Variants in GRK3 observed in about 807,000 individuals in gnomAD.
GRK3 encodes G protein-coupled receptor kinase 3.
Under a neutral mutation model 95.7 loss-of-function variants are expected in GRK3, and 54 were observed. The ratio of observed to expected loss-of-function variants is 0.56; its 90% CI spans 0.45 to 0.71. The LOEUF (loss-of-function observed/expected upper bound fraction) is 0.71, where lower values mean the gene tolerates loss of function less well. GRK3 is among the 30% of genes least tolerant of loss of function. The pLI, the probability that GRK3 is intolerant of heterozygous loss-of-function variation, is 0.00. For missense variants in GRK3, 649 were observed against 851.2 expected (o/e 0.76, Z 2.96); for synonymous variants, 281 against 290.8 (o/e 0.97, Z 0.34).
chr22:25,717,100 A>G (rs984480231), intron 18 of GRK3, among the ~76,000 whole-genome samples: 1 of 152,190 alleles, frequency 6.6e-6, no homozygotes, highest in African/African-American at 2.4e-5. Flanking sequence ...TGTAACAACT[A>G]TTTATGTAGC....
intron 2 of GRK3, among the ~76,000 whole-genome samples, chr22:25,615,105 C>T (rs16980104): frequency 0.023 from 3,443 of 152,260 alleles, 61 homozygotes; most frequent in Middle Eastern, 0.068. Context: ...CTAAAGCAAA[C>T]GTGGGGAAGT....
At chr22:25,710,789 G>T (rs1426171723) in intron 16 of GRK3, among the ~76,000 whole-genome samples, 1 of 152,224 alleles carries the variant, frequency 6.6e-6, no homozygotes, top group Non-Finnish European at 1.5e-5. Flanking sequence ...GGACGGATAT[G>T]CAGTCCTGAG....
chr22:25,650,313 C>T (rs1369142216), intron 3 of GRK3, among the ~76,000 whole-genome samples: 4 of 152,136 alleles, frequency 2.6e-5, no homozygotes, highest in African/African-American at 4.8e-5. Context: ...AGGCATGAGC[C>T]ATCATGCCCG....
In GRK3 at chr22:25,689,562, A is replaced by C. The variant is rs191123190; in HGVS notation, c.958-627A>C. On this transcript the variant is annotated intron_variant, in intron 11 of 20. Coordinates refer to ENST00000324198, the MANE Select transcript of GRK3 (RefSeq NM_005160.4). The stretch of plus-strand genomic sequence containing the variant: ...CGAGAGACTAGGTTTGTTTTTCATG[A>C]TTATGATGACTAAATCTAATCTTCA... Among the ~76,000 whole-genome samples, 12 of 152,268 alleles carry C rather than the reference A, an allele frequency of 7.9e-5. No homozygotes were observed. The South Asian group carries it at 1.5e-3, about 18-fold the overall frequency.
At chr22:25,575,907 T>A (rs1390559881) in intron 1 of GRK3, among the ~76,000 whole-genome samples, 1 of 152,246 alleles carries the variant, frequency 6.6e-6, no homozygotes, top group Non-Finnish European at 1.5e-5. Context: ...GTCACTGTAC[T>A]AAGCATCTGT....
chr22:25,719,054 A>G (rs1220978921), intron 19 of GRK3, among the ~76,000 whole-genome samples: 1 of 152,200 alleles, frequency 6.6e-6, no homozygotes, highest in Non-Finnish European at 1.5e-5. Flanking sequence ...CAACTTGAGC[A>G]TCTGTGGATT....
At chr22:25,611,832 T>TC (rs1491117477) in intron 2 of GRK3, among the ~76,000 whole-genome samples, 3 of 118,324 alleles carry the variant, frequency 2.5e-5, no homozygotes, top group African/African-American at 1.0e-4. Context: ...GTTTAGTGTC[T>TC]TTTTTTTTTT....
At chr22:25,647,307 T>C in intron 3 of GRK3, 2 of 1,197,088 alleles carry the variant, frequency 1.7e-6, no homozygotes, top group Non-Finnish European at 2.5e-6. Flanking sequence ...AGCCATTAAA[T>C]ACCTGAAAAT....
chr22:25,713,274 C>T lies in GRK3; in HGVS notation c.1492-1134C>T, dbSNP rs533349665. Among the ~76,000 whole-genome samples the T allele has an allele frequency of 1.8e-4, 27 of 152,290 alleles. No homozygotes were observed. The South Asian group carries it at 3.7e-3, about 21-fold the overall frequency. On this transcript the variant is annotated intron_variant, in intron 17 of 20. Transcript: ENST00000324198. ...CATCACTCACACACACACTCACACA[C>T]GCACCTCCAGTCCCATTCAGAGCAA... is the stretch of plus-strand genomic sequence containing the variant.
intron 3 of GRK3, among the ~76,000 whole-genome samples, chr22:25,646,069 A>G (rs944180863): frequency 3.9e-5 from 6 of 152,052 alleles, no homozygotes; most frequent in African/African-American, 1.4e-4. Flanking sequence ...TGTCTTTTTT[A>G]TAGGTAGGTA....
intron 11 of GRK3, among the ~76,000 whole-genome samples, chr22:25,689,594 C>T (rs547155593): frequency 1.3e-5 from 2 of 152,190 alleles, no homozygotes; most frequent in Non-Finnish European, 2.9e-5. Flanking sequence ...TTCATGGATA[C>T]ATTTCATCAG....
At chr22:25,589,972 C>T (rs1932439407) in intron 1 of GRK3, among the ~76,000 whole-genome samples, 1 of 152,142 alleles carries the variant, frequency 6.6e-6, no homozygotes, top group South Asian at 2.1e-4. Flanking sequence ...TGGGAAAGAT[C>T]CGGCTCCATG....
chr22:25,625,042 A>G (rs2084616873), intron 2 of GRK3, among the ~76,000 whole-genome samples: 1 of 151,048 alleles, frequency 6.6e-6, no homozygotes, highest in Admixed American at 6.6e-5. Context: ...TCGGCCTCCC[A>G]AGTAGCTGGG....
chr22:25,709,432 T>G (rs779303978), intron 15 of GRK3, among the ~76,000 whole-genome samples: 4 of 152,264 alleles, frequency 2.6e-5, no homozygotes, highest in Admixed American at 2.0e-4. Context: ...ATTATATTAT[T>G]AGATCTCTTG....
Position 25,564,977 on chromosome 22 carries a change from C to A in GRK3, c.-64C>A. On this transcript the variant is annotated 5_prime_UTR_variant, in exon 1 of 21. Transcript: ENST00000324198. Reference sequence around the variant, plus strand: ...CAGGTCGGGGCGCGGCGGGCGGCGGCGGCGGGCGCGCGTCCCGTCCAGGTC... The same window carrying A: ...CAGGTCGGGGCGCGGCGGGCGGCGGAGGCGGGCGCGCGTCCCGTCCAGGTC... 1 of 396,180 alleles carries A rather than the reference C, an allele frequency of 2.5e-6. No homozygotes were observed. Among genetic ancestry groups the A allele is most frequent in the Non-Finnish European group, 3.5e-6 (1 of 286,578 alleles). 24.5% of individuals were successfully genotyped at this position (396,180 alleles called of 1,614,324 possible).
chr22:25,575,636 T>A (rs1931863231), intron 1 of GRK3, among the ~76,000 whole-genome samples: 1 of 152,224 alleles, frequency 6.6e-6, no homozygotes, highest in Admixed American at 6.5e-5. Flanking sequence ...ATTTAGAGTT[T>A]AAAAAAACCC....
At chr22:25,579,480 A>AT (rs202153548) in intron 1 of GRK3, among the ~76,000 whole-genome samples, 17 of 143,426 alleles carry the variant, frequency 1.2e-4, no homozygotes, top group Admixed American at 5.5e-4. Context: ...TATTTTTATT[A>AT]TTTTTTTTTT....
At chr22:25,647,500 G>T in intron 3 of GRK3, 1 of 1,420,750 alleles carries the variant, frequency 7.0e-7, no homozygotes, top group Non-Finnish European at 9.9e-7. Context: ...CTCATTCTCA[G>T]TGGTGCCAAG....
Position 25,678,901 on chromosome 22 carries a change from C to T in GRK3, c.733C>T (p.Leu245Phe). 1 of 1,591,968 alleles carries T rather than the reference C, an allele frequency of 6.3e-7. No homozygotes were observed. Among genetic ancestry groups the T allele is most frequent in the Non-Finnish European group, 8.6e-7 (1 of 1,164,298 alleles). ...LALNERIMLS[L>F]VSTGDCPFIV... is the part of the protein sequence containing the mutation. Reference sequence around the variant, plus strand: ...CTTAAATGAAAGAATCATGTTGTCTCTTGTCAGCACAGGAGTAAGTATTCA... The same window carrying T: ...CTTAAATGAAAGAATCATGTTGTCTTTTGTCAGCACAGGAGTAAGTATTCA... The change falls in exon 9 of 21, where the codon CTT becomes TTT. Residue 245 changes from leucine (L) to phenylalanine (F), a missense_variant. Physicochemically the swap from Leu to Phe is conservative, Grantham distance 22 (BLOSUM62 0). Coordinates refer to ENST00000324198, the MANE Select transcript of GRK3 (RefSeq NM_005160.4).
Sources: allele counts gnomAD v4.1 joint callset (sites outside exome capture counted in the v4.1 genomes callset), GRCh38; gene constraint gnomAD v4.1.1; transcripts MANE v1.5; gene names NCBI Gene and HGNC (gene_info 2026-07-23, HGNC 2026-07-21).